PPP4R1: variants seen among roughly 807,000 people sequenced by gnomAD.
PPP4R1 encodes the protein serine/threonine-protein phosphatase 4 regulatory subunit 1.
In PPP4R1, 42 loss-of-function variants were observed where a neutral mutation model predicts 111.2. The ratio of observed to expected loss-of-function variants is 0.38; its 90% CI spans 0.29 to 0.49. The LOEUF is 0.49. Ranked by LOEUF, PPP4R1 falls within the 20% of genes least tolerant of loss-of-function variation. The pLI is 0.97. For synonymous variants in PPP4R1, 409 were observed against 405.5 expected, an observed-to-expected ratio of 1.01 and a Z score of -0.10; for missense variants, 1,012 against 1,161.6, an observed-to-expected ratio of 0.87 and a Z score of 1.87.
chr18:9,569,560 AAG>A (rs1420818703), intron 11 of PPP4R1, among the ~76,000 whole-genome samples: 1 of 152,230 alleles, frequency 6.6e-6, no homozygotes, highest in Non-Finnish European at 1.5e-5. Context: ...GAAACTTTCA[AAG>A]AGAGTGATTT....
At chr18:9,606,859 T>C (rs890974738) in intron 2 of PPP4R1, among the ~76,000 whole-genome samples, 1 of 152,250 alleles carries the variant, frequency 6.6e-6, no homozygotes, top group South Asian at 2.1e-4. Context: ...CCAAATATTA[T>C]AGATATTTGT....
At chr18:9,577,519 G>T (rs998873763) in intron 9 of PPP4R1, among the ~76,000 whole-genome samples, 3 of 152,114 alleles carry the variant, frequency 2.0e-5, no homozygotes, top group African/African-American at 7.2e-5. Flanking sequence ...ACCAAAGTTA[G>T]CAGGGCGTGG....
At position 9,557,280 on chromosome 18, in the gene PPP4R1, A is replaced by T; in HGVS notation, c.2131T>A (p.Leu711Ile). The T allele has an allele frequency of 6.2e-7, 1 of 1,613,044 alleles. No homozygotes were observed. Among genetic ancestry groups the T allele is most frequent in the Non-Finnish European group, 8.5e-7 (1 of 1,179,734 alleles). Reference sequence around the variant, plus strand: ...ATCCTGACTTCATCGAGGTCTTTTAAAAATCCATTAAAAATTGGAACCAGA... The same window carrying T: ...ATCCTGACTTCATCGAGGTCTTTTATAAATCCATTAAAAATTGGAACCAGA... ...ADLVPIFNGF[L>I]KDLDEVRIGV... is the part of the protein sequence containing the mutation. Residue 711 changes from leucine (L) to isoleucine (I), a missense_variant, in exon 15 of 20, where the codon TTA becomes ATA. By Grantham distance (5) the Leu-to-Ile change is conservative. This residue lies in a region of PPP4R1 where 305 missense variants were observed against 419.5 expected (regional missense o/e 0.73). Coordinates refer to ENST00000400556, the MANE Select transcript of PPP4R1 (RefSeq NM_001042388.3).
intron 15 of PPP4R1, among the ~76,000 whole-genome samples, chr18:9,555,234 G>A (rs1392934519): frequency 6.6e-6 from 1 of 152,016 alleles, no homozygotes; most frequent in Admixed American, 6.6e-5. Context: ...TGGGAGAGGT[G>A]GAGGCTGCAG....
intron 12 of PPP4R1, 68 bp downstream of exon 12, chr18:9,563,310 T>G (rs1046446521): frequency 6.9e-7 from 1 of 1,457,442 alleles, no homozygotes; most frequent in South Asian, 1.4e-5. Context: ...TAGCTACAAC[T>G]ATTCCCCAAT....
Position 9,552,731 on chromosome 18 carries a change from A to G in PPP4R1, c.2291+591T>C, listed in dbSNP as rs537194439. Among the ~76,000 whole-genome samples, 4 of 152,344 alleles carry G rather than the reference A, an allele frequency of 2.6e-5. No individual in the cohort carries two copies. The East Asian group carries it at 7.7e-4, about 29-fold the overall frequency. On this transcript the variant is annotated intron_variant, in intron 16 of 19. Coordinates refer to ENST00000400556, the MANE Select transcript of PPP4R1 (RefSeq NM_001042388.3). ...AACGTTCCTAGCAGCACTATTCACA[A>G]AAGACCACACCCCCAACCCAAATGT... is the stretch of plus-strand genomic sequence containing the variant.
chr18:9,569,191 GAAAAAAAA>G (rs1175501445), intron 11 of PPP4R1, among the ~76,000 whole-genome samples: 1 of 53,312 alleles, frequency 1.9e-5, no homozygotes, highest in African/African-American at 6.5e-5. Flanking sequence ...CTCCGTCTCA[GAAAAAAAA>G]AAAAAAAAAA....
At chr18:9,616,673 T>C (rs532312852), upstream of PPP4R1, among the ~76,000 whole-genome samples, 1 of 121,642 alleles carries the variant, frequency 8.2e-6, no homozygotes, top group Non-Finnish European at 1.9e-5. Flanking sequence ...AAGACAAAAC[T>C]GTCTTGATCT....
At chr18:9,601,037 C>T (rs1231445010) in intron 2 of PPP4R1, among the ~76,000 whole-genome samples, 1 of 152,128 alleles carries the variant, frequency 6.6e-6, no homozygotes, top group Non-Finnish European at 1.5e-5. Context: ...TTCTTGAACA[C>T]TGTAATAGCA....
At chr18:9,556,279 A>G (rs944033009) in intron 15 of PPP4R1, among the ~76,000 whole-genome samples, 3 of 151,216 alleles carry the variant, frequency 2.0e-5, no homozygotes, top group Non-Finnish European at 2.9e-5. Context: ...TGCAACCTCC[A>G]CCTCCTGGGC....
At chr18:9,582,921 T>C (rs969284420) in intron 9 of PPP4R1, among the ~76,000 whole-genome samples, 196 bp downstream of exon 9, 1 of 152,206 alleles carries the variant, frequency 6.6e-6, no homozygotes, top group African/African-American at 2.4e-5. Context: ...AGGACTTAAA[T>C]GTGTAAAGAA....
intron 14 of PPP4R1, among the ~76,000 whole-genome samples, chr18:9,557,832 T>C (rs965992357): frequency 6.6e-6 from 1 of 152,188 alleles, no homozygotes; most frequent in African/African-American, 2.4e-5. Flanking sequence ...ACTAAGCACA[T>C]GCTAGAACAT....
chr18:9,550,048 T>C lies in PPP4R1; in HGVS notation c.2547+4A>G, dbSNP rs2066464174. On this transcript the variant is annotated splice_donor_region_variant and intron_variant, in intron 18 of 19. Coordinates refer to ENST00000400556, the MANE Select transcript of PPP4R1 (RefSeq NM_001042388.3). ...CAAACAGGTAAGCCCAGGGCCTCGC[T>C]TACCTGGCAGACAAAGACAAAGGCT... 5.0e-6 allele frequency: 8 copies of C among 1,614,176 alleles called. No homozygotes were observed. The highest frequency in any genetic ancestry group is 3.3e-5 in the Admixed American group (2 of 60,024).
chr18:9,587,007 A>C (rs1425313866), intron 6 of PPP4R1, among the ~76,000 whole-genome samples: 1 of 152,208 alleles, frequency 6.6e-6, no homozygotes. Context: ...TCTGATAACC[A>C]TCACTGATGT....
intron 11 of PPP4R1, among the ~76,000 whole-genome samples, chr18:9,566,190 C>T (rs530954790): frequency 3.3e-5 from 5 of 151,816 alleles, no homozygotes; most frequent in Admixed American, 2.0e-4. Flanking sequence ...GGATTACAGG[C>T]GTGAGCCACC....
intron 13 of PPP4R1, 94 bp from the exon 14 acceptor site, chr18:9,559,698 A>G: frequency 1.1e-6 from 1 of 914,322 alleles, no homozygotes; most frequent in Non-Finnish European, 1.5e-6. Context: ...TTAAATATAT[A>G]GATTTTAACA....
At chr18:9,584,891 A>T in intron 6 of PPP4R1, 63 bp from the exon 7 acceptor site, 1 of 1,271,718 alleles carries the variant, frequency 7.9e-7, no homozygotes, top group Non-Finnish European at 1.1e-6. Context: ...AGTTAAATTA[A>T]ATAATAAAAG....
chr18:9,556,093 G>A (rs374959716), intron 15 of PPP4R1, among the ~76,000 whole-genome samples: 15 of 149,564 alleles, frequency 1.0e-4, no homozygotes, highest in Admixed American at 2.0e-4. Context: ...CCTGGGAGGC[G>A]GAGGTTGCAG....
chr18:9,577,216 T>C (rs751497328), intron 9 of PPP4R1, 25 bp from the exon 10 acceptor site: 9 of 1,583,962 alleles, frequency 5.7e-6, no homozygotes, highest in Non-Finnish European at 7.7e-6. Flanking sequence ...AGGACAATAA[T>C]AAAGGAATCA....
Sources: allele counts gnomAD v4.1 joint callset (sites outside exome capture counted in the v4.1 genomes callset), GRCh38; gene constraint gnomAD v4.1.1; regional missense constraint gnomAD v4.1.1; transcripts MANE v1.5; gene names NCBI Gene and HGNC (gene_info 2026-07-23, HGNC 2026-07-21).